The following RIMKLB variants were observed in gnomAD, a reference collection of about 807,000 sequenced individuals.
RIMKLB encodes the protein beta-citrylglutamate synthase B.
RIMKLB carries 7 observed loss-of-function variants against 32.0 expected under a neutral mutation model. That is an observed-to-expected ratio of 0.22 (90% confidence interval 0.12 to 0.41). The LOEUF (loss-of-function observed/expected upper bound fraction) is 0.41, where lower values mean the gene tolerates loss of function less well. Among genes scored for constraint, RIMKLB ranks in the 10% least tolerant of loss-of-function variants. The probability of loss-of-function intolerance (pLI) is 1.00; values close to 1 mark genes in which losing one functional copy is unlikely to be tolerated. For synonymous variants in RIMKLB, 172 were observed against 185.1 expected (o/e 0.93, Z 0.57); for missense variants, 289 against 498.7 (o/e 0.58, Z 4.00).
intron 1 of RIMKLB, among the ~76,000 whole-genome samples, 186 bp downstream of exon 1, chr12:8,698,483 G>T (rs1379098861): frequency 6.6e-6 from 1 of 152,030 alleles, no homozygotes; most frequent in Non-Finnish European, 1.5e-5. Context: ...CCGCGGAGTC[G>T]GTGGGGAGCG....
rs1399551672 is a variant in RIMKLB at position 8,775,713 on chromosome 12, TATTAAA to T, written c.*1933_*1938del. ...TTGTTTTTTCCATAGAATTAAATAA[TATTAAA>T]ATTGAGTGAAAGGTTGATTGTTGAT... is the stretch of plus-strand genomic sequence containing the variant. On this transcript the variant is annotated 3_prime_UTR_variant, in exon 6 of 6. Coordinates refer to ENST00000535829, the MANE Select transcript of RIMKLB (RefSeq NM_001297776.2). 4.1e-6 allele frequency: 4 copies of T among 983,642 alleles called. No homozygotes were observed. The highest frequency in any genetic ancestry group is 1.2e-4 in the Admixed American group (2 of 16,268). The allele number at this position is 983,642 out of a possible 1,614,324, so 60.9% of individuals were successfully genotyped here. A position where few individuals can be genotyped will look rare whatever the true frequency, so the allele number is the denominator to read the frequency against.
intron 2 of RIMKLB, 155 bp downstream of exon 2, chr12:8,714,196 AAC>A: frequency 3.3e-6 from 2 of 598,366 alleles, no homozygotes. Context: ...AAGTAATATA[AAC>A]ACTAATATTT....
At chr12:8,734,695 A>G (rs1946838821) in intron 2 of RIMKLB, among the ~76,000 whole-genome samples, 1 of 152,166 alleles carries the variant, frequency 6.6e-6, no homozygotes, top group Non-Finnish European at 1.5e-5. Flanking sequence ...AGTATTGTGT[A>G]GCTTCTCAAA....
upstream of RIMKLB, among the ~76,000 whole-genome samples, chr12:8,680,887 C>T (rs111924839): frequency 6.6e-6 from 1 of 152,116 alleles, no homozygotes; most frequent in Admixed American, 6.5e-5. Flanking sequence ...TTGTGTGCTA[C>T]ATCTAAAAGA....
intron 1 of RIMKLB, among the ~76,000 whole-genome samples, chr12:8,708,836 A>G (rs1944122725): frequency 6.6e-6 from 1 of 152,240 alleles, no homozygotes. Context: ...TTTTATTGGT[A>G]TGCTGATCCA....
chr12:8,781,827 TAAAG>T (rs569020266), downstream of RIMKLB, among the ~76,000 whole-genome samples: 122 of 152,326 alleles, frequency 8.0e-4, no homozygotes, highest in Admixed American at 1.1e-3. Flanking sequence ...TCTCTAGAAT[TAAAG>T]AATGTAAATT....
Position 8,773,900 on chromosome 12 carries a change from A to T in RIMKLB, c.*116A>T. On this transcript the variant is annotated 3_prime_UTR_variant, in exon 6 of 6. Coordinates refer to ENST00000535829, the MANE Select transcript of RIMKLB (RefSeq NM_001297776.2). Reference sequence around the variant, plus strand: ...ATGCTCAGGAAGATGAGAGAAAATTAGTAGGATTAGTTGGAGAGAGTGGGA... The same window carrying T: ...ATGCTCAGGAAGATGAGAGAAAATTTGTAGGATTAGTTGGAGAGAGTGGGA... The T allele has an allele frequency of 6.9e-7, 1 of 1,450,046 alleles. No individual in the cohort carries two copies. Among genetic ancestry groups the T allele is most frequent in the Non-Finnish European group, 9.1e-7 (1 of 1,103,890 alleles). The allele number at this position is 1,450,046 out of a possible 1,614,324, so 89.8% of individuals were successfully genotyped here.
chr12:8,709,221 A>G (rs750240319), intron 1 of RIMKLB, among the ~76,000 whole-genome samples: 7 of 152,206 alleles, frequency 4.6e-5, no homozygotes, highest in Non-Finnish European at 1.0e-4. Flanking sequence ...AATAGTGAAT[A>G]TTGTCTGAAT....
chr12:8,750,134 C>T, intron 3 of RIMKLB, 42 bp downstream of exon 3: 1 of 1,247,658 alleles, frequency 8.0e-7, no homozygotes, highest in Non-Finnish European at 1.2e-6. Context: ...ATATTAACCA[C>T]TGATAGTTTT....
At position 8,741,507 on chromosome 12, in the gene RIMKLB, G is replaced by T. The variant is rs996201562; in HGVS notation, c.176-8355G>T. Among the ~76,000 whole-genome samples, 16 of 151,804 alleles carry T rather than the reference G, an allele frequency of 1.1e-4. 3 individuals carry two copies. Among genetic ancestry groups the T allele is most frequent in the African/African-American group, 3.9e-4 (16 of 41,124 alleles). On this transcript the variant is annotated intron_variant, in intron 2 of 5. Transcript: ENST00000535829. ...ATAAAACTAACTGTTGGGGCTGGGT[G>T]CGGTGGCTCATGCCTGTAATCCCAG...
chr12:8,712,752 C>CTGG (rs1201565292), intron 1 of RIMKLB, among the ~76,000 whole-genome samples: 15 of 152,344 alleles, frequency 9.8e-5, no homozygotes, highest in South Asian at 4.1e-4. Flanking sequence ...GCCCTTCTTG[C>CTGG]TGGTACCTGG....
intron 2 of RIMKLB, among the ~76,000 whole-genome samples, chr12:8,715,185 A>G (rs1944707848): frequency 6.7e-6 from 1 of 149,350 alleles, no homozygotes; most frequent in Non-Finnish European, 1.5e-5. Flanking sequence ...GTTGCCAGAA[A>G]TGTTTCTTTG....
chr12:8,684,109 T>C (rs1013886711), intron 1 of RIMKLB, among the ~76,000 whole-genome samples: 1 of 152,180 alleles, frequency 6.6e-6, no homozygotes, highest in Non-Finnish European at 1.5e-5. Context: ...CTCTAAGTTC[T>C]TTCAAAGGAT....
intron 2 of RIMKLB, among the ~76,000 whole-genome samples, chr12:8,726,002 C>G (rs953355152): frequency 6.6e-6 from 1 of 152,220 alleles, no homozygotes; most frequent in Admixed American, 6.5e-5. Flanking sequence ...CATGTGCCAT[C>G]ATGCCCAGCT....
chr12:8,711,582 A>G (rs770711827), intron 1 of RIMKLB, among the ~76,000 whole-genome samples: 6 of 152,188 alleles, frequency 3.9e-5, no homozygotes. Flanking sequence ...GGTTAGTTAC[A>G]TATGTATACA....
At chr12:8,721,197 C>CA in intron 2 of RIMKLB, among the ~76,000 whole-genome samples, 1 of 152,152 alleles carries the variant, frequency 6.6e-6, no homozygotes. Context: ...GCGAGTAACA[C>CA]AAACTTTTGG....
In RIMKLB at chr12:8,776,830, A is replaced by T; in HGVS notation, c.*3046A>T. The stretch of plus-strand genomic sequence containing the variant: ...CTTGGCATTCATCAAGCACATTATC[A>T]GACTTTGAGAACATATTGAAGGCAT... On this transcript the variant is annotated 3_prime_UTR_variant, in exon 6 of 6. Transcript: ENST00000535829. 1 of 985,840 alleles carries T rather than the reference A, an allele frequency of 1.0e-6. No individual in the cohort carries two copies. Among genetic ancestry groups the T allele is most frequent in the African/African-American group, 1.7e-5 (1 of 57,374 alleles). The allele number at this position is 985,840 out of a possible 1,614,324, so 61.1% of individuals were successfully genotyped here.
At chr12:8,686,964 T>C (rs1591596223) in intron 1 of RIMKLB, among the ~76,000 whole-genome samples, 1 of 152,076 alleles carries the variant, frequency 6.6e-6, no homozygotes, top group African/African-American at 2.4e-5. Context: ...GCTCTTTCTC[T>C]AAGGATTTCA....
At position 8,774,339 on chromosome 12, in the gene RIMKLB, T is replaced by C. The variant is rs144955951; in HGVS notation, c.*555T>C. On this transcript the variant is annotated 3_prime_UTR_variant, in exon 6 of 6. Coordinates refer to ENST00000535829, the MANE Select transcript of RIMKLB (RefSeq NM_001297776.2). ...TACTGGGATTTCTTATTTTTTTGTT[T>C]TTTCCCGCTTAATTTGGTGGGAGGT... 4.4e-5 allele frequency: 43 copies of C among 985,928 alleles called. No individual in the cohort carries two copies. The East Asian group carries it at 3.6e-3, about 83-fold the overall frequency. The allele number at this position is 985,928 out of a possible 1,614,324, so 61.1% of individuals were successfully genotyped here.
Sources: gnomAD v4.1 joint callset for allele counts (sites outside exome capture counted in the v4.1 genomes callset) on GRCh38, gnomAD v4.1.1 for gene constraint, MANE v1.5 for transcripts, NCBI Gene and HGNC (gene_info 2026-07-23, HGNC 2026-07-21) for gene names.